The following CCSER2 variants were observed in gnomAD, a reference collection of about 807,000 sequenced individuals.
CCSER2 encodes the protein serine-rich coiled-coil domain-containing protein 2.
In CCSER2, 46 loss-of-function variants were observed where a neutral mutation model predicts 92.3. That is an observed-to-expected ratio of 0.50 (90% CI 0.39 to 0.64). The LOEUF (loss-of-function observed/expected upper bound fraction) is 0.64. CCSER2 is among the 30% of genes least tolerant of loss of function. The pLI, the probability that CCSER2 is intolerant of heterozygous loss-of-function variation, is 0.00. For synonymous variants in CCSER2, 433 were observed against 431.4 expected (o/e 1.00, Z -0.04); for missense variants, 1,244 against 1,238.9 (o/e 1.00, Z -0.06).
chr10:84,457,273 AATATATT>A (rs71013327), intron 6 of CCSER2, among the ~76,000 whole-genome samples: 47,502 of 68,824 alleles, frequency 0.69, 16,914 homozygotes, highest in African/African-American at 0.78. Context: ...TATTATATAT[AATATATT>A]ATATATTATA....
At chr10:84,457,343 T>TC (rs1845771801) in intron 6 of CCSER2, among the ~76,000 whole-genome samples, 1 of 60,924 alleles carries the variant, frequency 1.6e-5, no homozygotes, top group South Asian at 4.6e-4. Context: ...TATTATATAT[T>TC]ATATATAATA....
At chr10:84,464,649 G>T (rs1846288251) in intron 7 of CCSER2, among the ~76,000 whole-genome samples, 1 of 152,136 alleles carries the variant, frequency 6.6e-6, no homozygotes, top group African/African-American at 2.4e-5. Context: ...TGAAAGCAAT[G>T]GTGGCTTATA....
chr10:84,380,074 T>G (rs1840813158), intron 3 of CCSER2, among the ~76,000 whole-genome samples: 1 of 152,224 alleles, frequency 6.6e-6, no homozygotes, highest in African/African-American at 2.4e-5. Flanking sequence ...ATTATCAAAC[T>G]TCTCCCTAAA....
At chr10:84,450,354 C>T (rs1180595651) in intron 6 of CCSER2, among the ~76,000 whole-genome samples, 1 of 152,122 alleles carries the variant, frequency 6.6e-6, no homozygotes, top group Non-Finnish European at 1.5e-5. Context: ...AGGACAAATA[C>T]TTTTTCATGA....
intron 6 of CCSER2, chr10:84,452,144 C>T (rs1845332097): frequency 6.6e-6 from 1 of 152,208 alleles, no homozygotes; most frequent in Non-Finnish European, 1.5e-5. Flanking sequence ...ATCTGAAACA[C>T]AAGGCAGCTT....
At chr10:84,510,564 G>C (rs1392862974) in intron 9 of CCSER2, among the ~76,000 whole-genome samples, 2 of 152,192 alleles carry the variant, frequency 1.3e-5, no homozygotes, top group African/African-American at 4.8e-5. Flanking sequence ...TAGCCATGAG[G>C]ATATGGGATC....
chr10:84,507,507 A>C (rs1304544004), intron 9 of CCSER2, among the ~76,000 whole-genome samples: 1 of 152,178 alleles, frequency 6.6e-6, no homozygotes, highest in African/African-American at 2.4e-5. Flanking sequence ...TAATAACAAT[A>C]AACTTGTATG....
At chr10:84,349,524 A>G (rs1462777059) in intron 1 of CCSER2, among the ~76,000 whole-genome samples, 4 of 151,998 alleles carry the variant, frequency 2.6e-5, no homozygotes, top group African/African-American at 9.7e-5. Flanking sequence ...GTCTACAAAA[A>G]TTAAAAAGTT....
rs1419283965 is a variant in CCSER2 at position 84,368,356 on chromosome 10, A to C, written c.-39-2658A>C. ...CTTAGTTTAAATAGTTTTTTGTATTACAGTGTGTAACTGATAGGTTTTCTG... is the reference window on the plus strand; with the variant it reads ...CTTAGTTTAAATAGTTTTTTGTATTCCAGTGTGTAACTGATAGGTTTTCTG... On this transcript the variant is annotated intron_variant, in intron 1 of 9. Coordinates refer to ENST00000372088, the MANE Select transcript of CCSER2 (RefSeq NM_001284240.2). Among the ~76,000 whole-genome samples the C allele has an allele frequency of 3.9e-5, 6 of 152,158 alleles. No individual in the cohort carries two copies. In the South Asian group the frequency reaches 1.2e-3, roughly 32 times the overall value.
At chr10:84,497,801 A>G (rs1848530926) in intron 9 of CCSER2, among the ~76,000 whole-genome samples, 1 of 152,216 alleles carries the variant, frequency 6.6e-6, no homozygotes, top group Admixed American at 6.5e-5. Flanking sequence ...ATTTAATACA[A>G]AGTTGATTGT....
At chr10:84,445,739 G>A (rs1367071148) in intron 6 of CCSER2, among the ~76,000 whole-genome samples, 1 of 152,042 alleles carries the variant, frequency 6.6e-6, no homozygotes, top group Non-Finnish European at 1.5e-5. Flanking sequence ...TTTATATCTG[G>A]CTTCTTTTGC....
At chr10:84,475,014 G>A (rs1187252714) in intron 8 of CCSER2, among the ~76,000 whole-genome samples, 1 of 152,142 alleles carries the variant, frequency 6.6e-6, no homozygotes, top group Non-Finnish European at 1.5e-5. Flanking sequence ...GTCCATTCAT[G>A]GTCACAAGAT....
chr10:84,349,809 C>A (rs1844761354), intron 1 of CCSER2, among the ~76,000 whole-genome samples: 1 of 152,190 alleles, frequency 6.6e-6, no homozygotes, highest in Non-Finnish European at 1.5e-5. Flanking sequence ...TCTACATTTT[C>A]TTCTTTCCTA....
At chr10:84,466,703 C>T (rs557026151) in intron 7 of CCSER2, among the ~76,000 whole-genome samples, 6 of 150,868 alleles carry the variant, frequency 4.0e-5, no homozygotes, top group South Asian at 2.1e-4. Context: ...TTAGTAGGGA[C>T]GGGGTTTCAC....
chr10:84,441,829 T>C lies in CCSER2; in HGVS notation c.2064+3122T>C, dbSNP rs1176624928. The stretch of plus-strand genomic sequence containing the variant: ...TGGAGTGCAGTGGCGCGATCTCGGC[T>C]CACTGCAAACTCCACCTCCTGGGTT... On this transcript the variant is annotated intron_variant, in intron 6 of 9. Coordinates refer to ENST00000372088, the MANE Select transcript of CCSER2 (RefSeq NM_001284240.2). 2.3e-5 allele frequency among the ~76,000 whole-genome samples: 3 copies of C among 131,318 alleles called. No individual in the cohort carries two copies. In the East Asian group the frequency reaches 7.2e-4, roughly 32 times the overall value. The allele number at this position is 131,318 out of a possible 152,430, so 86.1% of individuals were successfully genotyped here. A position where few individuals can be genotyped will look rare whatever the true frequency, so the allele number is the denominator to read the frequency against.
At chr10:84,487,813 T>C (rs990698725) in intron 9 of CCSER2, among the ~76,000 whole-genome samples, 2 of 152,344 alleles carry the variant, frequency 1.3e-5, no homozygotes, top group Admixed American at 1.3e-4. Context: ...ATCCCTGTCT[T>C]GTGCCAGTTT....
At chr10:84,447,959 A>AT (rs755724528) in intron 6 of CCSER2, among the ~76,000 whole-genome samples, 45 of 152,032 alleles carry the variant, frequency 3.0e-4, no homozygotes, top group Non-Finnish European at 4.9e-4. Flanking sequence ...ATACCCGGCT[A>AT]TTTTTGTTAT....
At chr10:84,459,502 T>C (rs988400329) in intron 6 of CCSER2, among the ~76,000 whole-genome samples, 3 of 151,896 alleles carry the variant, frequency 2.0e-5, no homozygotes, top group African/African-American at 7.3e-5. Context: ...ACTGGTAGGA[T>C]GTTTTGTTTT....
intron 3 of CCSER2, among the ~76,000 whole-genome samples, chr10:84,385,188 A>T (rs1264733678): frequency 6.6e-6 from 1 of 152,218 alleles, no homozygotes; most frequent in African/African-American, 2.4e-5. Flanking sequence ...GCTCAAAGTA[A>T]TCTACAGATT....
Sources: gnomAD v4.1 joint callset for allele counts (sites outside exome capture counted in the v4.1 genomes callset) on GRCh38, gnomAD v4.1.1 for gene constraint, MANE v1.5 for transcripts, NCBI Gene and HGNC (gene_info 2026-07-23, HGNC 2026-07-21) for gene names.